Variants in ANKHD1 observed in about 807,000 individuals in gnomAD.
ANKHD1 encodes the protein ankyrin repeat and KH domain containing 1.
Under a neutral mutation model 230.5 loss-of-function variants are expected in ANKHD1, and 31 were observed. The ratio of observed to expected loss-of-function variants is 0.13; its 90% CI spans 0.10 to 0.18. The LOEUF is 0.18. ANKHD1 is among the 10% of genes least tolerant of loss of function. The pLI is 1.00. For synonymous variants in ANKHD1, 1,074 were observed against 1,117.6 expected, an observed-to-expected ratio of 0.96 and a Z score of 0.78; for missense variants, 2,256 against 3,071.3, an observed-to-expected ratio of 0.73 and a Z score of 6.27.
chr5:140,446,725 A>T (rs549007844), intron 6 of ANKHD1, among the ~76,000 whole-genome samples: 69 of 152,202 alleles, frequency 4.5e-4, no homozygotes, highest in Non-Finnish European at 9.7e-4. Flanking sequence ...ATAAAAAAGC[A>T]TGTATACAAT....
chr5:140,535,263 G>C, intron 29 of ANKHD1, 99 bp from the exon 30 acceptor site: 6 of 1,470,450 alleles, frequency 4.1e-6, no homozygotes, highest in Non-Finnish European at 5.4e-6. Flanking sequence ...TTATTTGTTT[G>C]GTTATTTTTA....
In ANKHD1 at chr5:140,525,980, T is replaced by A; in HGVS notation, c.4493-16T>A. ...CTGTGACTCAGTATGATTTTTATTC[T>A]TTTTAACAATTTCAGTGGAGCAAGA... On this transcript the variant is annotated splice_polypyrimidine_tract_variant and intron_variant, in intron 25 of 33. Coordinates refer to ENST00000360839, the MANE Select transcript of ANKHD1 (RefSeq NM_017747.3). 1 of 1,549,966 alleles carries A rather than the reference T, an allele frequency of 6.5e-7. No individual in the cohort carries two copies. The highest frequency in any genetic ancestry group is 8.7e-7 in the Non-Finnish European group (1 of 1,155,190).
intron 15 of ANKHD1, among the ~76,000 whole-genome samples, chr5:140,500,579 C>T (rs924480433): frequency 1.5e-5 from 2 of 135,924 alleles, no homozygotes; most frequent in Admixed American, 8.7e-5. Flanking sequence ...ACCCAGGAGG[C>T]GGAGGTTGCA....
chr5:140,441,963 T>G (rs1773882804), intron 5 of ANKHD1, among the ~76,000 whole-genome samples: 1 of 151,590 alleles, frequency 6.6e-6, no homozygotes, highest in African/African-American at 2.4e-5. Context: ...AGATTATAGA[T>G]AAACCTGAGT....
At position 140,458,657 on chromosome 5, in the gene ANKHD1, G is replaced by T; in HGVS notation, c.1275G>T (p.Leu425Phe). Residue 425 changes from leucine (L) to phenylalanine (F), a missense_variant, in exon 8 of 34, where the codon TTG becomes TTT. Physicochemically the swap from Leu to Phe is conservative, Grantham distance 22. Coordinates refer to ENST00000360839, the MANE Select transcript of ANKHD1 (RefSeq NM_017747.3). ...DGHVEVARLL[L>F]DSGAQVNMPA... ...ATGTAGAGGTGGCACGTTTGCTTTT[G>T]GATAGTGGTGCTCAAGTGAACATGC... 1 of 1,604,464 alleles carries T rather than the reference G, an allele frequency of 6.2e-7. No homozygotes were observed. The highest frequency in any genetic ancestry group is 8.5e-7 in the Non-Finnish European group (1 of 1,174,220).
chr5:140,422,158 T>C (rs1176863549), intron 1 of ANKHD1, among the ~76,000 whole-genome samples: 1 of 152,186 alleles, frequency 6.6e-6, no homozygotes, highest in Non-Finnish European at 1.5e-5. Flanking sequence ...GTTTCACTCT[T>C]GTCGCCCAGG....
chr5:140,478,357 CTTTT>C (rs1751079314), intron 10 of ANKHD1, among the ~76,000 whole-genome samples: 1 of 145,604 alleles, frequency 6.9e-6, no homozygotes, highest in Non-Finnish European at 1.5e-5. Flanking sequence ...GCTTTTCTTT[CTTTT>C]TCTTTTTTTT....
At chr5:140,512,006 C>A (rs993611103) in intron 22 of ANKHD1, among the ~76,000 whole-genome samples, 1 of 152,078 alleles carries the variant, frequency 6.6e-6, no homozygotes, top group African/African-American at 2.4e-5. Flanking sequence ...GAGGCCGAGT[C>A]AGGTGGATCA....
At chr5:140,453,908 C>T (rs534875350) in intron 7 of ANKHD1, among the ~76,000 whole-genome samples, 20 of 152,280 alleles carry the variant, frequency 1.3e-4, no homozygotes, top group African/African-American at 4.8e-4. Flanking sequence ...AATTAAAAGA[C>T]ACAGACTGGC....
intron 9 of ANKHD1, among the ~76,000 whole-genome samples, chr5:140,464,224 ATC>A (rs1167453629): frequency 1.3e-5 from 2 of 148,680 alleles, no homozygotes; most frequent in African/African-American, 5.0e-5. Context: ...GAGTGAGACT[ATC>A]TCTCAAAAAA....
chr5:140,451,410 CT>C (rs950816477), intron 7 of ANKHD1, among the ~76,000 whole-genome samples: 1 of 152,110 alleles, frequency 6.6e-6, no homozygotes, highest in African/African-American at 2.4e-5. Flanking sequence ...GTGAAGTCAT[CT>C]GTTTTTGGCA....
At chr5:140,411,833 AT>A (rs933003874) in intron 1 of ANKHD1, among the ~76,000 whole-genome samples, 173 of 141,634 alleles carry the variant, frequency 1.2e-3, no homozygotes, top group African/African-American at 1.5e-3. Flanking sequence ...CTTTTTTTAA[AT>A]TTTTTTTTTT....
chr5:140,520,925 A>G (rs1281734153), intron 24 of ANKHD1, among the ~76,000 whole-genome samples: 1 of 140,056 alleles, frequency 7.1e-6, no homozygotes, highest in Non-Finnish European at 1.6e-5. Flanking sequence ...AACTTAAAGT[A>G]TAATAAAAAA....
At chr5:140,445,086 C>T (rs1774170330) in intron 5 of ANKHD1, among the ~76,000 whole-genome samples, 1 of 151,948 alleles carries the variant, frequency 6.6e-6, no homozygotes, top group Admixed American at 6.6e-5. Flanking sequence ...CTCAAACTCC[C>T]TGGGTTCAAG....
intron 29 of ANKHD1, chr5:140,531,351 C>T: frequency 2.5e-6 from 1 of 404,198 alleles, no homozygotes; most frequent in South Asian, 1.7e-5. Context: ...GAAGCTGAGG[C>T]GAGTGGTTTA....
At chr5:140,427,619 C>T (rs1164590186) in intron 1 of ANKHD1, among the ~76,000 whole-genome samples, 10 of 146,948 alleles carry the variant, frequency 6.8e-5, no homozygotes, top group South Asian at 2.1e-4. Context: ...ACCTCCCTCC[C>T]GGACGGGGCG....
intron 22 of ANKHD1, 107 bp from the exon 23 acceptor site, chr5:140,512,721 A>G (rs1432738995): frequency 4.0e-5 from 42 of 1,041,200 alleles, no homozygotes; most frequent in Non-Finnish European, 4.6e-5. Flanking sequence ...ATATATGCAA[A>G]ATCAAGGGAT....
intron 9 of ANKHD1, among the ~76,000 whole-genome samples, chr5:140,459,589 T>C (rs1775555690): frequency 6.6e-6 from 1 of 152,104 alleles, no homozygotes; most frequent in Admixed American, 6.6e-5. Flanking sequence ...GCAAGGTGAC[T>C]ACAGTTAACA....
At chr5:140,422,000 A>G (rs1772019484) in intron 1 of ANKHD1, among the ~76,000 whole-genome samples, 1 of 152,174 alleles carries the variant, frequency 6.6e-6, no homozygotes, top group Non-Finnish European at 1.5e-5. Context: ...CTCATTCTCT[A>G]CAGAAGAAAA....
Sources: gnomAD v4.1 joint callset for allele counts (sites outside exome capture counted in the v4.1 genomes callset) on GRCh38, gnomAD v4.1.1 for gene constraint, MANE v1.5 for transcripts, NCBI Gene and HGNC (gene_info 2026-07-23, HGNC 2026-07-21) for gene names.